The following PPP3CA variants were observed in gnomAD, a reference collection of about 807,000 sequenced individuals.
PPP3CA encodes CAM-PRP catalytic subunit.
PPP3CA carries 14 observed loss-of-function variants against 66.5 expected under a neutral mutation model. The observed-to-expected ratio is 0.21, with a 90% confidence interval of 0.14 to 0.33. The LOEUF (loss-of-function observed/expected upper bound fraction) is 0.33, where lower values mean the gene tolerates loss of function less well. PPP3CA is among the 10% of genes least tolerant of loss of function. The pLI is 1.00. For synonymous variants in PPP3CA, 232 were observed against 226.2 expected (o/e 1.03, Z -0.23); for missense variants, 317 against 639.5 (o/e 0.50, Z 5.44).
chr4:101,198,026 A>T (rs960423846), intron 1 of PPP3CA, among the ~76,000 whole-genome samples: 5 of 152,220 alleles, frequency 3.3e-5, no homozygotes, highest in African/African-American at 1.2e-4. Flanking sequence ...TTTATTTTCC[A>T]AAAGTTATTT....
At chr4:101,067,446 CTCTG>C (rs1412006615) in intron 8 of PPP3CA, among the ~76,000 whole-genome samples, 6 of 151,892 alleles carry the variant, frequency 4.0e-5, no homozygotes, top group Non-Finnish European at 8.8e-5. Context: ...TAATCCACTG[CTCTG>C]TCTACCAAGC....
chr4:101,104,829 A>C (rs1398197553), intron 3 of PPP3CA, among the ~76,000 whole-genome samples: 1 of 152,200 alleles, frequency 6.6e-6, no homozygotes, highest in African/African-American at 2.4e-5. Flanking sequence ...TCTAATCAAA[A>C]TGGAACATTT....
intron 2 of PPP3CA, among the ~76,000 whole-genome samples, chr4:101,172,006 T>C (rs1483305581): frequency 6.6e-6 from 1 of 152,184 alleles, no homozygotes; most frequent in Admixed American, 6.6e-5. Flanking sequence ...TGTGTATTTC[T>C]TATTAAACGA....
rs151044162 is a variant in PPP3CA at position 101,314,849 on chromosome 4, T to C, written c.58+31890A>G. Among the ~76,000 whole-genome samples, 217 of 152,300 alleles carry C rather than the reference T, an allele frequency of 1.4e-3. 1 individual carries two copies. The highest frequency in any genetic ancestry group is 3.7e-3 in the African/African-American group (152 of 41,560). Reference sequence around the variant, plus strand: ...TATCTGAATGGCTACCTTCCTTCATTATAAGGGTAACTGCTTCTTAATTTC... The same window carrying C: ...TATCTGAATGGCTACCTTCCTTCATCATAAGGGTAACTGCTTCTTAATTTC... On this transcript the variant is annotated intron_variant, in intron 1 of 13. Transcript: ENST00000394854.
chr4:101,187,452 C>T (rs1052090986), intron 2 of PPP3CA, among the ~76,000 whole-genome samples: 1 of 152,034 alleles, frequency 6.6e-6, no homozygotes, highest in Non-Finnish European at 1.5e-5. Context: ...TTCAGAGTCT[C>T]AAGTGGAATG....
At chr4:101,333,929 T>C (rs1277185939) in intron 1 of PPP3CA, among the ~76,000 whole-genome samples, 2 of 152,184 alleles carry the variant, frequency 1.3e-5, no homozygotes, top group Non-Finnish European at 2.9e-5. Context: ...GCCTACATTA[T>C]GTTAGACCCC....
intron 2 of PPP3CA, among the ~76,000 whole-genome samples, chr4:101,119,581 C>T (rs1365745358): frequency 6.6e-6 from 1 of 151,926 alleles, no homozygotes; most frequent in Non-Finnish European, 1.5e-5. Flanking sequence ...GGAAAATTTT[C>T]TACATAGGGA....
chr4:101,295,082 A>G (rs368176318), intron 1 of PPP3CA, among the ~76,000 whole-genome samples: 2 of 151,014 alleles, frequency 1.3e-5, no homozygotes, highest in East Asian at 1.9e-4. Context: ...CGGGTGGATC[A>G]TGAGGTCAGG....
intron 1 of PPP3CA, among the ~76,000 whole-genome samples, chr4:101,204,393 T>G (rs1163265849): frequency 6.6e-6 from 1 of 152,052 alleles, no homozygotes; most frequent in Non-Finnish European, 1.5e-5. Context: ...TCCCAGCACT[T>G]TGGGAGGCCC....
intron 1 of PPP3CA, among the ~76,000 whole-genome samples, chr4:101,278,536 C>T (rs1299587644): frequency 1.3e-5 from 2 of 152,282 alleles, no homozygotes; most frequent in East Asian, 3.9e-4. Context: ...TCTTGCTCTG[C>T]TATAAAGCAG....
intron 2 of PPP3CA, among the ~76,000 whole-genome samples, chr4:101,123,964 A>C (rs982674541): frequency 1.3e-5 from 2 of 152,236 alleles, no homozygotes; most frequent in Admixed American, 1.3e-4. Flanking sequence ...TAACTGGTAC[A>C]GGTTAATACT....
At chr4:101,215,539 T>A (rs865794790) in intron 1 of PPP3CA, among the ~76,000 whole-genome samples, 2 of 152,062 alleles carry the variant, frequency 1.3e-5, no homozygotes, top group Non-Finnish European at 2.9e-5. Flanking sequence ...AAGCAAAATA[T>A]AATTTACTCT....
Position 101,082,940 on chromosome 4 carries a change from C to G in PPP3CA, c.860+246G>C, listed in dbSNP as rs188442514. ...GGTGCCCTTACAGTACTTAAGAAAT[C>G]AAGCTGAAAATGGACTTGTTCAGGC... On this transcript the variant is annotated intron_variant, in intron 7 of 13. Transcript: ENST00000394854. 2.0e-5 allele frequency among the ~76,000 whole-genome samples: 3 copies of G among 152,226 alleles called. No homozygotes were observed. In the East Asian group the frequency reaches 5.8e-4, roughly 29 times the overall value.
At chr4:101,040,063 CA>C (rs1727439013) in intron 11 of PPP3CA, among the ~76,000 whole-genome samples, 1 of 152,050 alleles carries the variant, frequency 6.6e-6, no homozygotes, top group Admixed American at 6.5e-5. Flanking sequence ...TTCACATGAA[CA>C]GCTTTATGGC....
At chr4:101,064,871 T>G (rs1728616660) in intron 8 of PPP3CA, among the ~76,000 whole-genome samples, 1 of 152,056 alleles carries the variant, frequency 6.6e-6, no homozygotes, top group African/African-American at 2.4e-5. Flanking sequence ...TATTGTAGCC[T>G]AACAATATGT....
chr4:101,152,547 T>C (rs112588316), intron 2 of PPP3CA, among the ~76,000 whole-genome samples: 2 of 152,182 alleles, frequency 1.3e-5, no homozygotes, highest in Non-Finnish European at 2.9e-5. Flanking sequence ...AGTAAGAAAA[T>C]TGGCAGTTGT....
Position 101,327,252 on chromosome 4 carries a change from T to C in PPP3CA, c.58+19487A>G, listed in dbSNP as rs531033228. On this transcript the variant is annotated intron_variant, in intron 1 of 13. Transcript: ENST00000394854. ...AAGACAATTGAAGTCTAATCAAATATTGTGACTGAACCAAATATTGTGACT... is the reference window on the plus strand; with the variant it reads ...AAGACAATTGAAGTCTAATCAAATACTGTGACTGAACCAAATATTGTGACT... Among the ~76,000 whole-genome samples the C allele has an allele frequency of 8.5e-5, 13 of 152,314 alleles. 2 individuals are homozygous for C. The South Asian group carries it at 1.2e-3, about 15-fold the overall frequency.
At chr4:101,145,330 C>A (rs1282022006) in intron 2 of PPP3CA, among the ~76,000 whole-genome samples, 1 of 152,100 alleles carries the variant, frequency 6.6e-6, no homozygotes, top group Admixed American at 6.6e-5. Context: ...CAAGAGATAT[C>A]TGTACTCTCA....
chr4:101,055,592 C>T (rs1260965621), intron 10 of PPP3CA, among the ~76,000 whole-genome samples: 2 of 152,084 alleles, frequency 1.3e-5, no homozygotes, highest in Non-Finnish European at 2.9e-5. Context: ...TTTTTCCAGA[C>T]AGCCTATCAA....
Sources: gnomAD v4.1 joint callset for allele counts (sites outside exome capture counted in the v4.1 genomes callset) on GRCh38, gnomAD v4.1.1 for gene constraint, MANE v1.5 for transcripts, NCBI Gene and HGNC (gene_info 2026-07-23, HGNC 2026-07-21) for gene names.